SGCZ: variants seen among roughly 807,000 people sequenced by gnomAD.
SGCZ encodes zeta-sarcoglycan.
In SGCZ, 40 loss-of-function variants were observed where a neutral mutation model predicts 41.3. The ratio of observed to expected loss-of-function variants is 0.97; its 90% CI spans 0.75 to 1.26. The LOEUF is 1.26. SGCZ is among the 50% of genes most tolerant of loss of function. The pLI, the probability that SGCZ is intolerant of heterozygous loss-of-function variation, is 0.00. For synonymous variants in SGCZ, 206 were observed against 137.5 expected (o/e 1.50, Z -3.49); for missense variants, 552 against 369.8 (o/e 1.49, Z -4.04).
intron 1 of SGCZ, among the ~76,000 whole-genome samples, chr8:14,811,247 T>C (rs1006034587): frequency 6.6e-6 from 1 of 151,998 alleles, no homozygotes; most frequent in Admixed American, 6.6e-5. Flanking sequence ...TTATAATAAA[T>C]AAATGCTGTG....
intron 1 of SGCZ, among the ~76,000 whole-genome samples, chr8:15,038,565 G>A: frequency 6.6e-6 from 1 of 151,486 alleles, no homozygotes; most frequent in East Asian, 1.9e-4. Context: ...TTTTTTAGAT[G>A]TAACCCCAAA....
chr8:15,194,633 A>C (rs1275686749), intron 1 of SGCZ, among the ~76,000 whole-genome samples: 1 of 152,130 alleles, frequency 6.6e-6, no homozygotes, highest in Non-Finnish European at 1.5e-5. Context: ...GTAAGGATGG[A>C]AGTAGAGATA....
intron 2 of SGCZ, among the ~76,000 whole-genome samples, chr8:14,337,685 A>C (rs1802551848): frequency 6.6e-6 from 1 of 152,162 alleles, no homozygotes; most frequent in Admixed American, 6.5e-5. Flanking sequence ...AATGAGTATG[A>C]TCTATGGAAA....
chr8:14,399,556 T>C (rs1799015965), intron 2 of SGCZ, among the ~76,000 whole-genome samples: 2 of 152,180 alleles, frequency 1.3e-5, no homozygotes, highest in South Asian at 4.1e-4. Context: ...TCCTGGAAAT[T>C]AGAATCATTT....
intron 1 of SGCZ, among the ~76,000 whole-genome samples, chr8:14,796,674 T>C (rs564589748): frequency 6.6e-5 from 10 of 152,198 alleles, no homozygotes; most frequent in Non-Finnish European, 1.5e-4. Context: ...AGACTCTTAG[T>C]AAACATCAAC....
intron 1 of SGCZ, among the ~76,000 whole-genome samples, chr8:15,092,654 G>C (rs980306560): frequency 6.6e-6 from 1 of 152,152 alleles, no homozygotes; most frequent in African/African-American, 2.4e-5. Context: ...TATCCTTGGT[G>C]ATCTTCTTAA....
At chr8:14,424,068 A>C (rs931441644) in intron 2 of SGCZ, among the ~76,000 whole-genome samples, 1 of 152,194 alleles carries the variant, frequency 6.6e-6, no homozygotes, top group African/African-American at 2.4e-5. Context: ...GATCTTCAGG[A>C]ATATGTAGGA....
At chr8:14,172,739 G>C (rs762676379) in intron 4 of SGCZ, among the ~76,000 whole-genome samples, 2 of 152,108 alleles carry the variant, frequency 1.3e-5, no homozygotes, top group African/African-American at 2.4e-5. Context: ...CAGCTAGCAG[G>C]AGGAGAGATG....
At chr8:15,213,292 T>A (rs1801296450) in intron 1 of SGCZ, among the ~76,000 whole-genome samples, 1 of 151,934 alleles carries the variant, frequency 6.6e-6, no homozygotes, top group Non-Finnish European at 1.5e-5. Context: ...CTAGAGGTTT[T>A]GATTTTTATA....
At chr8:14,111,756 T>C (rs189106266) in intron 5 of SGCZ, among the ~76,000 whole-genome samples, 2 of 152,296 alleles carry the variant, frequency 1.3e-5, no homozygotes, top group East Asian at 3.9e-4. Flanking sequence ...AATTTCTGGC[T>C]TCTGCAGGAA....
At chr8:14,159,715 C>A (rs920776075) in intron 5 of SGCZ, among the ~76,000 whole-genome samples, 15 of 152,152 alleles carry the variant, frequency 9.9e-5, no homozygotes, top group Admixed American at 3.9e-4. Context: ...GCGGCTCCAT[C>A]CTGCTGCCGG....
At chr8:15,206,009 C>A (rs538744923) in intron 1 of SGCZ, among the ~76,000 whole-genome samples, 96 of 152,152 alleles carry the variant, frequency 6.3e-4, no homozygotes, top group African/African-American at 2.2e-3. Context: ...ATTGCATGTT[C>A]TTACTGGGGT....
At chr8:15,145,261 T>C (rs1799007201) in intron 1 of SGCZ, among the ~76,000 whole-genome samples, 1 of 152,218 alleles carries the variant, frequency 6.6e-6, no homozygotes, top group Non-Finnish European at 1.5e-5. Context: ...GGTGAACCAG[T>C]AATGAAACTA....
At chr8:14,864,710 A>G (rs918439626) in intron 1 of SGCZ, among the ~76,000 whole-genome samples, 8 of 152,184 alleles carry the variant, frequency 5.3e-5, no homozygotes, top group African/African-American at 1.7e-4. Flanking sequence ...AATTAAATTA[A>G]AAGACCATTC....
At chr8:14,790,082 T>G (rs1800899222) in intron 1 of SGCZ, among the ~76,000 whole-genome samples, 1 of 152,194 alleles carries the variant, frequency 6.6e-6, no homozygotes, top group Admixed American at 6.5e-5. Flanking sequence ...TACTGTCAAT[T>G]TATTTACATA....
chr8:14,109,293 A>C (rs1802304381), intron 5 of SGCZ, among the ~76,000 whole-genome samples: 1 of 152,286 alleles, frequency 6.6e-6, no homozygotes, highest in Non-Finnish European at 1.5e-5. Flanking sequence ...ATTTTTTTCC[A>C]GATTCTCATA....
chr8:14,951,233 T>A (rs1274700036), intron 1 of SGCZ, among the ~76,000 whole-genome samples: 1 of 152,006 alleles, frequency 6.6e-6, no homozygotes, highest in African/African-American at 2.4e-5. Context: ...ACATGAATTA[T>A]TAATTTCATG....
At chr8:15,148,818 A>T (rs1327039546) in intron 1 of SGCZ, among the ~76,000 whole-genome samples, 4 of 152,164 alleles carry the variant, frequency 2.6e-5, no homozygotes, top group Non-Finnish European at 4.4e-5. Flanking sequence ...CAACATATTA[A>T]CTGCCAGGAA....
intron 2 of SGCZ, among the ~76,000 whole-genome samples, chr8:14,364,267 A>G (rs1803624239): frequency 6.6e-6 from 1 of 152,114 alleles, no homozygotes; most frequent in African/African-American, 2.4e-5. Context: ...TTTTATTTCT[A>G]TATTTACCTG....
Sources: allele counts gnomAD v4.1 joint callset (sites outside exome capture counted in the v4.1 genomes callset), GRCh38; gene constraint gnomAD v4.1.1; transcripts MANE v1.5; gene names NCBI Gene and HGNC (gene_info 2026-07-23, HGNC 2026-07-21).